ADAMTSL1: variants seen among roughly 807,000 people sequenced by gnomAD.
The protein encoded by ADAMTSL1 is ADAMTS-like protein 1.
Under a neutral mutation model 201.8 loss-of-function variants are expected in ADAMTSL1, and 126 were observed. The ratio of observed to expected loss-of-function variants is 0.62; its 90% confidence interval spans 0.54 to 0.72. The LOEUF is 0.72. Among genes scored for constraint, ADAMTSL1 ranks in the 30% least tolerant of loss-of-function variants. The pLI, the probability that ADAMTSL1 is intolerant of heterozygous loss-of-function variation, is 0.00. For synonymous variants in ADAMTSL1, 1,121 were observed against 903.4 expected (o/e 1.24, Z -4.32); for missense variants, 2,679 against 2,277.8 (o/e 1.18, Z -3.59).
intron 2 of ADAMTSL1, among the ~76,000 whole-genome samples, chr9:18,186,084 C>T (rs898585350): frequency 2.0e-5 from 3 of 152,148 alleles, no homozygotes; most frequent in Non-Finnish European, 4.4e-5. Flanking sequence ...GCTGAGAATT[C>T]AAGTACCACG....
intron 1 of ADAMTSL1, among the ~76,000 whole-genome samples, chr9:18,054,430 A>T (rs1032823222): frequency 6.6e-6 from 1 of 152,262 alleles, no homozygotes; most frequent in African/African-American, 2.4e-5. Flanking sequence ...TGAATCAGAC[A>T]GTAACAAGTC....
intron 14 of ADAMTSL1, among the ~76,000 whole-genome samples, chr9:18,715,331 AG>A (rs1832858903): frequency 6.6e-6 from 1 of 152,084 alleles, no homozygotes; most frequent in Non-Finnish European, 1.5e-5. Context: ...TTGTATATCT[AG>A]AAATCCCCAT....
intron 1 of ADAMTSL1, among the ~76,000 whole-genome samples, chr9:17,965,291 A>G (rs568366387): frequency 6.6e-6 from 1 of 152,196 alleles, no homozygotes; most frequent in Non-Finnish European, 1.5e-5. Context: ...TTATTTTTAC[A>G]AAAGAAGAAG....
intron 1 of ADAMTSL1, among the ~76,000 whole-genome samples, chr9:18,094,225 T>C (rs1222935321): frequency 1.3e-5 from 2 of 152,196 alleles, no homozygotes; most frequent in African/African-American, 4.8e-5. Context: ...TATCTCCATT[T>C]TACAGATGAA....
chr9:18,597,358 C>T lies in ADAMTSL1; in HGVS notation c.474+23092C>T, dbSNP rs1824337095. On this transcript the variant is annotated intron_variant, in intron 4 of 28. Transcript: ENST00000380548. ...GCCATCTACTCCTTATTTACCATGG[C>T]TTAGGATTAAATTGGATAATCTTCA... 3.3e-5 allele frequency among the ~76,000 whole-genome samples: 5 copies of T among 152,242 alleles called. No individual in the cohort carries two copies. In the South Asian group the frequency reaches 6.2e-4, roughly 19 times the overall value.
intron 2 of ADAMTSL1, among the ~76,000 whole-genome samples, chr9:18,174,533 A>G (rs1199685455): frequency 6.6e-6 from 1 of 152,180 alleles, no homozygotes; most frequent in Non-Finnish European, 1.5e-5. Flanking sequence ...TCAGGCTGTG[A>G]GCAGTGACAA....
At chr9:18,402,606 T>C (rs973544178) in intron 2 of ADAMTSL1, among the ~76,000 whole-genome samples, 2 of 152,196 alleles carry the variant, frequency 1.3e-5, no homozygotes, top group African/African-American at 4.8e-5. Context: ...TATCTTTCAG[T>C]CCTTTCTTGC....
At chr9:18,201,808 A>G (rs1297964728) in intron 2 of ADAMTSL1, among the ~76,000 whole-genome samples, 1 of 152,152 alleles carries the variant, frequency 6.6e-6, no homozygotes, top group Non-Finnish European at 1.5e-5. Flanking sequence ...TATCAAACCT[A>G]TTAACCCTTA....
At chr9:18,449,078 G>A (rs1022349748) in intron 2 of ADAMTSL1, among the ~76,000 whole-genome samples, 2 of 142,310 alleles carry the variant, frequency 1.4e-5, no homozygotes, top group African/African-American at 4.9e-5. Context: ...CATAAATCCT[G>A]TTTTTAACTT....
chr9:18,775,591 C>G (rs117241996), intron 17 of ADAMTSL1, among the ~76,000 whole-genome samples, 152 bp from the exon 18 acceptor site: 2 of 152,152 alleles, frequency 1.3e-5, no homozygotes, highest in Admixed American at 1.3e-4. Flanking sequence ...GGCAGGTCTT[C>G]CACATTGTGA....
intron 1 of ADAMTSL1, among the ~76,000 whole-genome samples, chr9:18,155,964 AT>A (rs1827134108): frequency 1.3e-5 from 2 of 152,088 alleles, no homozygotes; most frequent in South Asian, 4.1e-4. Flanking sequence ...ATTGCAGTGC[AT>A]CAGACGGAAT....
At chr9:18,223,088 G>A (rs891848707) in intron 2 of ADAMTSL1, among the ~76,000 whole-genome samples, 1 of 151,744 alleles carries the variant, frequency 6.6e-6, no homozygotes, top group Non-Finnish European at 1.5e-5. Flanking sequence ...TAAATTTAAG[G>A]CTTGGTGTAT....
chr9:18,049,112 C>T (rs1014621947), intron 1 of ADAMTSL1, among the ~76,000 whole-genome samples: 18 of 152,194 alleles, frequency 1.2e-4, no homozygotes, highest in African/African-American at 4.3e-4. Flanking sequence ...CTTATAAGGA[C>T]ACCAGTCATG....
chr9:18,565,124 A>C (rs1241584608), intron 3 of ADAMTSL1, among the ~76,000 whole-genome samples: 1 of 152,248 alleles, frequency 6.6e-6, no homozygotes, highest in African/African-American at 2.4e-5. Context: ...ATAATAGAGC[A>C]AGGAAGGTGG....
chr9:18,212,089 C>T (rs946561958), intron 2 of ADAMTSL1, among the ~76,000 whole-genome samples: 1 of 152,098 alleles, frequency 6.6e-6, no homozygotes, highest in Non-Finnish European at 1.5e-5. Context: ...GATTTAGGCA[C>T]CAGAAAAAAT....
At chr9:18,142,719 C>T (rs1398583240) in intron 1 of ADAMTSL1, among the ~76,000 whole-genome samples, 1 of 152,084 alleles carries the variant, frequency 6.6e-6, no homozygotes. Flanking sequence ...GGAGAGTGGC[C>T]TTTGACAAGA....
At chr9:18,681,681 A>C in intron 11 of ADAMTSL1, 131 bp from the exon 12 acceptor site, 1 of 561,250 alleles carries the variant, frequency 1.8e-6, no homozygotes, top group South Asian at 2.8e-5. Flanking sequence ...GTATAAATTT[A>C]CCAGGAGTCC....
At chr9:18,279,253 C>G (rs779063986) in intron 2 of ADAMTSL1, among the ~76,000 whole-genome samples, 1 of 151,936 alleles carries the variant, frequency 6.6e-6, no homozygotes, top group Non-Finnish European at 1.5e-5. Flanking sequence ...TAAAAGTCAG[C>G]CCTCTGTATA....
At chr9:18,005,410 G>A (rs560994466) in intron 1 of ADAMTSL1, among the ~76,000 whole-genome samples, 151 of 152,110 alleles carry the variant, frequency 9.9e-4, no homozygotes, top group Non-Finnish European at 1.8e-3. Context: ...ATTTTCCCAA[G>A]CACAACTTGC....
Sources: gnomAD v4.1 joint callset for allele counts (sites outside exome capture counted in the v4.1 genomes callset) on GRCh38, gnomAD v4.1.1 for gene constraint, MANE v1.5 for transcripts, NCBI Gene and HGNC (gene_info 2026-07-23, HGNC 2026-07-21) for gene names.